PRELID3A: variants seen among roughly 807,000 people sequenced by gnomAD.
PRELID3A encodes PRELI domain containing 3A.
A neutral mutation model predicts 23.0 loss-of-function variants in PRELID3A; 27 were observed. The observed-to-expected ratio is 1.17, with a 90% CI of 0.87 to 1.62. The LOEUF (loss-of-function observed/expected upper bound fraction) is 1.62. Among genes scored for constraint, PRELID3A ranks in the 40% most tolerant of loss-of-function variants. The pLI is 0.00. For missense variants in PRELID3A, 231 were observed against 231.4 expected (o/e 1.00, Z 0.01); for synonymous variants, 87 against 86.4 (o/e 1.01, Z -0.04).
rs2030619499 is a variant in PRELID3A at position 12,431,787 on chromosome 18, G to A, written c.*671G>A. On this transcript the variant is annotated 3_prime_UTR_variant, in exon 7 of 7. Coordinates refer to ENST00000440960, the MANE Select transcript of PRELID3A (RefSeq NM_001142405.2). The stretch of plus-strand genomic sequence containing the variant: ...CAGGGGTTTCCCGGCCCTTTCTGCA[G>A]GCTGTGCCAGCCCCCTCCAGTCTGC... The A allele has an allele frequency of 6.6e-6, 1 of 152,296 alleles. No individual in the cohort carries two copies. Among genetic ancestry groups the A allele is most frequent in the African/African-American group, 2.4e-5 (1 of 41,454 alleles). 9.4% of individuals were successfully genotyped at this position (152,296 alleles called of 1,614,324 possible). A position where few individuals can be genotyped will look rare whatever the true frequency, so the allele number is the denominator to read the frequency against.
intron 5 of PRELID3A, among the ~76,000 whole-genome samples, chr18:12,428,489 C>T (rs957531617): frequency 2.0e-5 from 3 of 152,114 alleles, no homozygotes; most frequent in Admixed American, 2.0e-4. Context: ...TTTTTGAGAT[C>T]AGTGGGTGAT....
At position 12,407,970 on chromosome 18, in the gene PRELID3A, G is replaced by C; in HGVS notation, c.-6G>C. 1 of 1,297,760 alleles carries C rather than the reference G, an allele frequency of 7.7e-7. No individual in the cohort carries two copies. Among genetic ancestry groups the C allele is most frequent in the Non-Finnish European group, 9.8e-7 (1 of 1,024,330 alleles). The allele number at this position is 1,297,760 out of a possible 1,614,324, so 80.4% of individuals were successfully genotyped here. A position where few individuals can be genotyped will look rare whatever the true frequency, so the allele number is the denominator to read the frequency against. On this transcript the variant is annotated 5_prime_UTR_variant, in exon 1 of 7. Transcript: ENST00000440960. ...ATCGCAGAGCCCGCGCCCTGCGCCG[G>C]CGGCAATGAAGATCTGGAGCTCGGA... is the stretch of plus-strand genomic sequence containing the variant.
chr18:12,408,253 G>C (rs1204980138), intron 1 of PRELID3A, among the ~76,000 whole-genome samples: 2 of 151,820 alleles, frequency 1.3e-5, no homozygotes, highest in Non-Finnish European at 2.9e-5. Flanking sequence ...GCAGGGGCCT[G>C]GCTGCAGGCA....
At chr18:12,410,019 C>G (rs931137978) in intron 1 of PRELID3A, among the ~76,000 whole-genome samples, 2 of 152,146 alleles carry the variant, frequency 1.3e-5, no homozygotes, top group African/African-American at 2.4e-5. Context: ...CACCCCTGCC[C>G]CAGGCAACCA....
At chr18:12,421,098 A>G (rs926664870) in intron 2 of PRELID3A, among the ~76,000 whole-genome samples, 1 of 151,930 alleles carries the variant, frequency 6.6e-6, no homozygotes, top group Non-Finnish European at 1.5e-5. Flanking sequence ...CGGCCCCTGG[A>G]TCTCGCCTCC....
At chr18:12,420,128 G>A (rs1210258613) in intron 1 of PRELID3A, 197 bp from the exon 2 acceptor site, 3 of 1,423,212 alleles carry the variant, frequency 2.1e-6, no homozygotes, top group African/African-American at 1.4e-5. Context: ...CCAAGGGGCT[G>A]CCAGGTGCCG....
intron 3 of PRELID3A, among the ~76,000 whole-genome samples, chr18:12,423,272 G>A (rs976704931): frequency 3.3e-5 from 5 of 152,170 alleles, no homozygotes; most frequent in Admixed American, 6.5e-5. Context: ...GGTCGTTTTC[G>A]TGGTAAGAGG....
intron 3 of PRELID3A, 95 bp downstream of exon 3, chr18:12,421,724 C>A: frequency 1.3e-6 from 1 of 758,416 alleles, no homozygotes; most frequent in South Asian, 1.6e-5. Flanking sequence ...CACCTTTGGT[C>A]TAGGTGTTGC....
At chr18:12,423,426 A>G (rs749889537) in intron 3 of PRELID3A, among the ~76,000 whole-genome samples, 4 of 152,338 alleles carry the variant, frequency 2.6e-5, no homozygotes, top group African/African-American at 9.6e-5. Flanking sequence ...GTAATTGTCC[A>G]GGTGAGAGGT....
chr18:12,424,241 T>G (rs1215436590), intron 3 of PRELID3A, among the ~76,000 whole-genome samples: 2 of 152,154 alleles, frequency 1.3e-5, no homozygotes, highest in Non-Finnish European at 2.9e-5. Flanking sequence ...AAAACTCAGT[T>G]GTATGTAAAA....
At chr18:12,420,265 C>T (rs1434427239) in intron 1 of PRELID3A, 60 bp from the exon 2 acceptor site, 8 of 1,531,628 alleles carry the variant, frequency 5.2e-6, no homozygotes, top group Non-Finnish European at 6.2e-6. Flanking sequence ...TTTTCCTCCC[C>T]TTCACCCTTG....
chr18:12,423,669 C>T (rs909733000), intron 3 of PRELID3A, among the ~76,000 whole-genome samples: 10 of 152,068 alleles, frequency 6.6e-5, no homozygotes, highest in Non-Finnish European at 1.2e-4. Flanking sequence ...GAGGGAATGG[C>T]GACCTGGTCC....
intron 1 of PRELID3A, among the ~76,000 whole-genome samples, chr18:12,409,248 C>T (rs1228915508): frequency 7.7e-6 from 1 of 130,382 alleles, no homozygotes; most frequent in African/African-American, 2.9e-5. Context: ...CTCACTGTAA[C>T]CTCCCCCTCC....
intron 1 of PRELID3A, among the ~76,000 whole-genome samples, chr18:12,418,847 G>A (rs1303042420): frequency 1.3e-5 from 2 of 152,158 alleles, no homozygotes; most frequent in African/African-American, 4.8e-5. Context: ...CAAGTGCAGA[G>A]CTCTGGAAAG....
At position 12,420,369 on chromosome 18, in the gene PRELID3A, C is replaced by T; in HGVS notation, c.77C>T (p.Pro26Leu). 3 of 1,611,550 alleles carry T rather than the reference C, an allele frequency of 1.9e-6. No homozygotes were observed. Among genetic ancestry groups the T allele is most frequent in the Admixed American group, 1.7e-5 (1 of 59,816 alleles). The change falls in exon 2 of 7, where the codon CCG (proline) becomes CTG (leucine). Residue 26 changes from proline to leucine, a missense_variant. By Grantham distance (98) the Pro-to-Leu change is moderately conservative. Transcript: ENST00000440960. ...ATCCAGGCGGCCATGCGCAAGTACC[C>T]GAACCCGATGAACCCGAGCGTGCTG... is the stretch of plus-strand genomic sequence containing the variant. Reference protein sequence around the residue: ...TVIQAAMRKYPNPMNPSVLGV... With the variant: ...TVIQAAMRKYLNPMNPSVLGV...
rs202082400 is a variant in PRELID3A, at chr18:12,408,038, C to A, written c.32+31C>A. 34 of 1,249,078 alleles carry A rather than the reference C, an allele frequency of 2.7e-5. No homozygotes were observed. The Admixed American group carries it at 3.0e-4, about 11-fold the overall frequency. 77.4% of individuals were successfully genotyped at this position (1,249,078 alleles called of 1,614,324 possible). Reference sequence around the variant, plus strand: ...GCCGGGCTGAGGGCCGCGGTGGGGCCGTCCAGACGCCGGCTCCTGCTCCCG... The same window carrying A: ...GCCGGGCTGAGGGCCGCGGTGGGGCAGTCCAGACGCCGGCTCCTGCTCCCG... On this transcript the variant is annotated intron_variant, in intron 1 of 6. Transcript: ENST00000440960.
intron 1 of PRELID3A, among the ~76,000 whole-genome samples, chr18:12,410,450 G>A (rs531881965): frequency 2.6e-4 from 39 of 152,290 alleles, no homozygotes; most frequent in Non-Finnish European, 4.4e-4. Context: ...GCCTGTGGCT[G>A]GACGGGTTAT....
At chr18:12,420,608 G>C in intron 2 of PRELID3A, 115 bp downstream of exon 2, 1 of 1,166,942 alleles carries the variant, frequency 8.6e-7, no homozygotes, top group South Asian at 1.9e-5. Context: ...GGCTGCCATC[G>C]GGGTGGGAGG....
chr18:12,417,532 A>T (rs2030001181), intron 1 of PRELID3A, among the ~76,000 whole-genome samples: 1 of 152,198 alleles, frequency 6.6e-6, no homozygotes. Context: ...TAATGCAAAA[A>T]TCTCTCAATG....
Sources: allele counts gnomAD v4.1 joint callset (sites outside exome capture counted in the v4.1 genomes callset), GRCh38; gene constraint gnomAD v4.1.1; transcripts MANE v1.5; gene names NCBI Gene and HGNC (gene_info 2026-07-23, HGNC 2026-07-21).